Variants in PRR12 observed in about 807,000 individuals in gnomAD.
PRR12 encodes the protein proline-rich protein 12.
A neutral mutation model predicts 138.0 loss-of-function variants in PRR12; 12 were observed. The ratio of observed to expected loss-of-function variants is 0.09; its 90% confidence interval spans 0.06 to 0.14. The LOEUF is 0.14. Among genes scored for constraint, PRR12 ranks in the 10% least tolerant of loss-of-function variants. The probability of loss-of-function intolerance (pLI) is 1.00; values close to 1 mark genes in which losing one functional copy is unlikely to be tolerated. For synonymous variants in PRR12, 1,567 were observed against 1,291.7 expected, an observed-to-expected ratio of 1.21 and a Z score of -4.57; for missense variants, 2,692 against 2,861.3, an observed-to-expected ratio of 0.94 and a Z score of 1.35.
chr19:49,595,007 C>T lies in PRR12; in HGVS notation c.672C>T (p.Thr224=), dbSNP rs1266765002. 5.6e-6 allele frequency: 9 copies of T among 1,599,238 alleles called. No individual in the cohort carries two copies. Among genetic ancestry groups the T allele is most frequent in the Middle Eastern group, 1.7e-4 (1 of 6,042 alleles). The change falls in exon 4 of 14, where the codon ACC becomes ACT. Residue 224 remains threonine, a synonymous_variant. Coordinates refer to ENST00000418929, the MANE Select transcript of PRR12 (RefSeq NM_020719.3). The stretch of plus-strand genomic sequence containing the variant: ...CAGCTGGTCTCGGTCCAGCCCAGAC[C>T]CCCCCTTACCGCCCTGGCCCCCCAG... ...LGPAGLGPAQ[T]PPYRPGPPDP...
At chr19:49,621,405 G>A in intron 10 of PRR12, 120 bp from the exon 11 acceptor site, 1 of 768,372 alleles carries the variant, frequency 1.3e-6, no homozygotes, top group Non-Finnish European at 2.2e-6. Context: ...AGGGGGCTGG[G>A]GCCTGTACTT....
At position 49,591,293 on chromosome 19, in the gene PRR12, GGGGCCGCCC is replaced by G. The variant is rs2080723131; in HGVS notation, c.-358_-350del. Reference sequence around the variant, plus strand: ...AGCACCCAGCGCCTGCACCCACCCCGGGGCCGCCCGGGACGCCCCCTCCCGAGCGCGCGC... The same window carrying G: ...AGCACCCAGCGCCTGCACCCACCCCGGGGACGCCCCCTCCCGAGCGCGCGC... On this transcript the variant is annotated 5_prime_UTR_variant, in exon 1 of 14. Transcript: ENST00000418929. Among the ~76,000 whole-genome samples the G allele has an allele frequency of 1.3e-5, 2 of 149,110 alleles. No homozygotes were observed. The highest frequency in any genetic ancestry group is 4.9e-5 in the African/African-American group (2 of 40,556).
intron 6 of PRR12, among the ~76,000 whole-genome samples, chr19:49,610,314 G>A (rs933499986): frequency 6.6e-6 from 1 of 152,038 alleles, no homozygotes; most frequent in African/African-American, 2.4e-5. Flanking sequence ...TCGAGTCTGA[G>A]TGTCTGTAGC....
rs181245328 is a variant in PRR12 at position 49,608,465 on chromosome 19, C to T, written c.4774-6068C>T. On this transcript the variant is annotated intron_variant, in intron 6 of 13. Coordinates refer to ENST00000418929, the MANE Select transcript of PRR12 (RefSeq NM_020719.3). The stretch of plus-strand genomic sequence containing the variant: ...CAAGCGATTCTTCTCCTTAGCCTCC[C>T]GAGTAGCTGGGACTCCTGCCTCAGC... Among the ~76,000 whole-genome samples the T allele has an allele frequency of 2.5e-4, 38 of 152,144 alleles. No individual in the cohort carries two copies. In the East Asian group the frequency reaches 6.6e-3, roughly 26 times the overall value.
rs1682834302 is a variant in PRR12 at position 49,594,809 on chromosome 19, C to T, written c.474C>T (p.Gly158=). 2 of 1,612,604 alleles carry T rather than the reference C, an allele frequency of 1.2e-6. No homozygotes were observed. Among genetic ancestry groups the T allele is most frequent in the Non-Finnish European group, 1.7e-6 (2 of 1,179,632 alleles). The part of the protein sequence containing the change: ...LSAYQHPASF[G]SRPFPVPSSL... Reference sequence around the variant, plus strand: ...CTTACCAACACCCGGCTTCCTTCGGCAGCCGCCCCTTCCCAGTGCCCTCGT... The same window carrying T: ...CTTACCAACACCCGGCTTCCTTCGGTAGCCGCCCCTTCCCAGTGCCCTCGT... The change falls in exon 4 of 14, where the codon GGC becomes GGT. Residue 158 remains glycine (G), a synonymous_variant. Transcript: ENST00000418929. The surrounding 1 kb of genome is among the most constrained non-coding windows in gnomAD (Gnocchi z 5.6).
At position 49,597,731 on chromosome 19, in the gene PRR12, G is replaced by C. The variant is rs371689732; in HGVS notation, c.3396G>C (p.Pro1132=). Residue 1132 remains proline, a synonymous_variant, in exon 4 of 14, where the codon CCG becomes CCC. Transcript: ENST00000418929. The surrounding 1 kb of genome is among the most constrained non-coding windows in gnomAD (Gnocchi z 6.3). ...PDLVSSCRSR[P]ALSPLGDIDF... ...TGGTCTCCAGCTGCCGCTCCCGTCC[G>C]GCCCTCTCGCCACTGGGGGACATCG... The C allele has an allele frequency of 6.4e-5, 103 of 1,608,202 alleles. 1 individual carries two copies. The South Asian group carries it at 1.1e-3, about 17-fold the overall frequency.
Position 49,596,814 on chromosome 19 carries a change from G to T in PRR12, c.2479G>T (p.Ala827Ser). 6.3e-7 allele frequency: 1 copy of T among 1,598,516 alleles called. No individual in the cohort carries two copies. Residue 827 changes from alanine to serine, a missense_variant, in exon 4 of 14, where the codon GCC (alanine) becomes TCC (serine). Around this residue, in one of 11 missense-constraint regions of PRR12, gnomAD observed 840 missense variants for 689.8 expected, o/e 1.22. Coordinates refer to ENST00000418929, the MANE Select transcript of PRR12 (RefSeq NM_020719.3). The surrounding 1 kb of genome is among the most constrained non-coding windows in gnomAD (Gnocchi z 5.6). The part of the protein sequence containing the change: ...SKVGVHLLEP[A>S]TRDGAPQPPP... ...AGTCGGCGTCCACCTCCTTGAGCCA[G>T]CCACCCGCGATGGGGCACCCCAGCC...
intron 2 of PRR12, among the ~76,000 whole-genome samples, chr19:49,593,954 A>C (rs2080747313): frequency 1.3e-5 from 2 of 152,038 alleles, no homozygotes; most frequent in Non-Finnish European, 2.9e-5. Context: ...GATGCTGTCC[A>C]GTTTGACCCT....
Position 49,594,967 on chromosome 19 carries a change from G to T in PRR12, c.632G>T (p.Gly211Val). The T allele has an allele frequency of 6.3e-7, 1 of 1,599,524 alleles. No individual in the cohort carries two copies. The highest frequency in any genetic ancestry group is 8.5e-7 in the Non-Finnish European group (1 of 1,174,474). ...CTGGGCTTCGAGCGCCTGGCAGGGGGCGGTGTCTTGGGGCCAGCTGGTCTC... is the reference window on the plus strand; with the variant it reads ...CTGGGCTTCGAGCGCCTGGCAGGGGTCGGTGTCTTGGGGCCAGCTGGTCTC... The part of the protein sequence containing the change: ...SSLGFERLAG[G>V]GVLGPAGLGP... The change falls in exon 4 of 14, where the codon GGC becomes GTC. Residue 211 changes from glycine to valine, a missense_variant. By Grantham distance (109) the Gly-to-Val change is moderately radical (BLOSUM62 -3). Around this residue, in one of 11 missense-constraint regions of PRR12, gnomAD observed 523 missense variants for 496.4 expected, o/e 1.05. Coordinates refer to ENST00000418929, the MANE Select transcript of PRR12 (RefSeq NM_020719.3). The surrounding 1 kb of genome is among the most constrained non-coding windows in gnomAD (Gnocchi z 5.6).
Position 49,597,016 on chromosome 19 carries a change from C to A in PRR12, c.2681C>A (p.Pro894His), listed in dbSNP as rs568149580. 1.8e-4 allele frequency: 277 copies of A among 1,557,372 alleles called. 2 individuals carry two copies. The East Asian group carries it at 6.4e-3, about 36-fold the overall frequency. Residue 894 changes from proline to histidine, a missense_variant, in exon 4 of 14, where the codon CCT (proline) becomes CAT (histidine). By Grantham distance (77) the Pro-to-His change is moderately conservative (BLOSUM62 -2). Coordinates refer to ENST00000418929, the MANE Select transcript of PRR12 (RefSeq NM_020719.3). The surrounding 1 kb of genome is among the most constrained non-coding windows in gnomAD (Gnocchi z 6.3). ...LGALEPLPPA[P>H]GDTGVGPPNS... ...GCTCTGGAGCCGCTGCCCCCGGCGC[C>A]TGGGGATACTGGCGTAGGCCCACCA...
In PRR12 at chr19:49,614,536, G is replaced by C; in HGVS notation, c.4777G>C (p.Ala1593Pro). The change falls in exon 7 of 14, where the codon GCG becomes CCG. Residue 1593 changes from alanine (A) to proline (P), a missense_variant. Transcript: ENST00000418929. The surrounding 1 kb of genome is among the most constrained non-coding windows in gnomAD (Gnocchi z 5.0). ...RAEDIPSLKL[A>P]LQTGREPPPI... ...TCACCACACCCCTCCTCCTCAGCTG[G>C]CGTTGCAGACGGGGCGTGAACCCCC... 1 of 1,545,986 alleles carries C rather than the reference G, an allele frequency of 6.5e-7. No individual in the cohort carries two copies. The highest frequency in any genetic ancestry group is 8.7e-7 in the Non-Finnish European group (1 of 1,144,760).
Position 49,614,744 on chromosome 19 carries a change from G to T in PRR12, c.4890+95G>T. Reference sequence around the variant, plus strand: ...TAGTGTGGCTGTGACTCACTCCACAGTGTATCTGGAAGGGGGCCCCCTGCT... The same window carrying T: ...TAGTGTGGCTGTGACTCACTCCACATTGTATCTGGAAGGGGGCCCCCTGCT... On this transcript the variant is annotated intron_variant, in intron 7 of 13. Transcript: ENST00000418929. The surrounding 1 kb of genome is among the most constrained non-coding windows in gnomAD (Gnocchi z 5.0). 1 of 1,491,266 alleles carries T rather than the reference G, an allele frequency of 6.7e-7. No individual in the cohort carries two copies. 92.4% of individuals were successfully genotyped at this position (1,491,266 alleles called of 1,614,324 possible).
chr19:49,594,713 C>T lies in PRR12; in HGVS notation c.378C>T (p.Gly126=), dbSNP rs2080752723. ...CATCTCCAGCCATGCACACGCCAGG[C>T]CCCACGGAGCTCTTCATCTCGGGTG... The part of the protein sequence containing the change: ...PSWQTAMHTP[G]PTELFISGAL... Residue 126 remains glycine, a synonymous_variant, in exon 4 of 14, where the codon GGC becomes GGT. Coordinates refer to ENST00000418929, the MANE Select transcript of PRR12 (RefSeq NM_020719.3). The surrounding 1 kb of genome is among the most constrained non-coding windows in gnomAD (Gnocchi z 5.6). 1 of 1,612,960 alleles carries T rather than the reference C, an allele frequency of 6.2e-7. No individual in the cohort carries two copies. Among genetic ancestry groups the T allele is most frequent in the Non-Finnish European group, 8.5e-7 (1 of 1,179,778 alleles).
At chr19:49,617,578 G>A (rs1189719584) in intron 9 of PRR12, among the ~76,000 whole-genome samples, 2 of 152,134 alleles carry the variant, frequency 1.3e-5, no homozygotes, top group Non-Finnish European at 2.9e-5. Flanking sequence ...CTATGGTGAG[G>A]TATGATTACA....
chr19:49,604,542 G>A (rs552453959), intron 6 of PRR12, among the ~76,000 whole-genome samples: 1 of 152,112 alleles, frequency 6.6e-6, no homozygotes, highest in Admixed American at 6.6e-5. Context: ...GCCGGGCATG[G>A]TGGCAGGCGC....
At chr19:49,622,871 G>A (rs1198008833) in intron 11 of PRR12, among the ~76,000 whole-genome samples, 7 of 135,704 alleles carry the variant, frequency 5.2e-5, no homozygotes, top group Admixed American at 4.6e-4. Flanking sequence ...CAGCCTGGGC[G>A]ACAGAGCGAG....
At chr19:49,611,708 G>A (rs2080866950) in intron 6 of PRR12, among the ~76,000 whole-genome samples, 2 of 149,392 alleles carry the variant, frequency 1.3e-5, no homozygotes, top group Non-Finnish European at 3.0e-5. Context: ...CGGATCATGA[G>A]GTCAGGAGAT....
Position 49,599,288 on chromosome 19 carries a change from C to T in PRR12, c.3695C>T (p.Pro1232Leu). ...CATGTCTAGATCAAGCTGTCTGTGC[C>T]CAAGGCTGGCGAGGGTCTGGGAACC... ...LKPLKIKLSV[P>L]KAGEGLGTSS... The change falls in exon 5 of 14, where the codon CCC becomes CTC. Residue 1232 changes from proline (P) to leucine (L), a missense_variant. This residue lies in a region of PRR12 where 326 missense variants were observed against 344.2 expected (regional missense o/e 0.95). Coordinates refer to ENST00000418929, the MANE Select transcript of PRR12 (RefSeq NM_020719.3). The surrounding 1 kb of genome is among the most constrained non-coding windows in gnomAD (Gnocchi z 5.0). 2 of 1,604,788 alleles carry T rather than the reference C, an allele frequency of 1.2e-6. No individual in the cohort carries two copies. The highest frequency in any genetic ancestry group is 1.7e-6 in the Non-Finnish European group (2 of 1,174,914).
rs762833090 is a variant in PRR12 at position 49,596,695 on chromosome 19, G to C, written c.2360G>C (p.Gly787Ala). ...CATGGCCTCCTTCTGGAGGCCGGGGGCCCTGACCTCCCACTGGTGCTGCCT... is the reference window on the plus strand; with the variant it reads ...CATGGCCTCCTTCTGGAGGCCGGGGCCCCTGACCTCCCACTGGTGCTGCCT... ...TPHGLLLEAGGPDLPLVLPPP... is the reference protein window; with the variant it reads ...TPHGLLLEAGAPDLPLVLPPP... Residue 787 changes from glycine (G) to alanine (A), a missense_variant, in exon 4 of 14, where the codon GGC becomes GCC. Transcript: ENST00000418929. This position sits in a 1 kb window ranked among gnomAD's most constrained non-coding sequence, Gnocchi z 5.6. The C allele has an allele frequency of 6.2e-7, 1 of 1,606,122 alleles. No homozygotes were observed. The highest frequency in any genetic ancestry group is 1.7e-5 in the Admixed American group (1 of 59,850).
Sources: gnomAD v4.1 joint callset for allele counts (sites outside exome capture counted in the v4.1 genomes callset) on GRCh38, gnomAD v4.1.1 for gene constraint, gnomAD v4.1.1 regional missense constraint, Gnocchi (gnomAD v3.1) non-coding constraint, MANE v1.5 for transcripts, NCBI Gene and HGNC (gene_info 2026-07-23, HGNC 2026-07-21) for gene names.